The following DRD2 variants were observed in gnomAD, a reference collection of about 807,000 sequenced individuals.
The protein encoded by DRD2 is dopamine receptor D2.
DRD2 carries 8 observed loss-of-function variants against 38.0 expected under a neutral mutation model. The ratio of observed to expected loss-of-function variants is 0.21; its 90% CI spans 0.12 to 0.38. DRD2 has a LOEUF of 0.38. Among genes scored for constraint, DRD2 ranks in the 10% least tolerant of loss-of-function variants. The pLI, the probability that DRD2 is intolerant of heterozygous loss-of-function variation, is 1.00. For missense variants in DRD2, 403 were observed against 607.7 expected, an observed-to-expected ratio of 0.66 and a Z score of 3.54; for synonymous variants, 230 against 238.6, an observed-to-expected ratio of 0.96 and a Z score of 0.33.
chr11:113,450,445 CA>C (rs1326256992), intron 1 of DRD2, among the ~76,000 whole-genome samples: 2 of 152,228 alleles, frequency 1.3e-5, no homozygotes, highest in African/African-American at 2.4e-5. Flanking sequence ...TAGTTAGTAG[CA>C]AAGGCAGGAT....
chr11:113,458,609 T>C (rs1241343260), intron 1 of DRD2, among the ~76,000 whole-genome samples: 2 of 152,252 alleles, frequency 1.3e-5, no homozygotes. Flanking sequence ...CCACAACTTA[T>C]GCTGTGTGTA....
intron 1 of DRD2, among the ~76,000 whole-genome samples, chr11:113,425,427 C>T (rs1181457671): frequency 1.3e-5 from 2 of 152,150 alleles, no homozygotes; most frequent in Non-Finnish European, 2.9e-5. Context: ...TTCTGGATAG[C>T]TGATGCAGAG....
intron 1 of DRD2, among the ~76,000 whole-genome samples, chr11:113,444,694 T>C (rs1951127331): frequency 6.6e-6 from 1 of 152,136 alleles, no homozygotes; most frequent in Non-Finnish European, 1.5e-5. Flanking sequence ...TCACCACACA[T>C]TTGCTGAGCC....
At chr11:113,432,931 C>G (rs967235675) in intron 1 of DRD2, among the ~76,000 whole-genome samples, 2 of 152,194 alleles carry the variant, frequency 1.3e-5, no homozygotes, top group African/African-American at 2.4e-5. Context: ...GTTCTCTGGC[C>G]GAGGAGGCAA....
intron 1 of DRD2, among the ~76,000 whole-genome samples, chr11:113,450,489 G>C (rs55697087): frequency 0.52 from 79,455 of 152,020 alleles, 24,434 homozygotes; most frequent in Non-Finnish European, 0.7. Flanking sequence ...TGCCTCAAAG[G>C]CTCCTCTCCC....
chr11:113,431,255 GCCAGGCCTCACT>G (rs1950984193), intron 1 of DRD2, among the ~76,000 whole-genome samples: 1 of 152,208 alleles, frequency 6.6e-6, no homozygotes, highest in African/African-American at 2.4e-5. Context: ...TCCTGTAGCT[GCCAGGCCTCACT>G]CCAGGGGTGG....
rs377230925 is a variant in DRD2 at position 113,424,351 on chromosome 11, CA to C, written c.285+15del. The C allele has an allele frequency of 2.5e-3, 4,021 of 1,613,436 alleles. 15 individuals carry two copies. The highest frequency in any genetic ancestry group is 2.5e-3 in the Non-Finnish European group (2,921 of 1,179,742). On this transcript the variant is annotated intron_variant, in intron 2 of 7. Transcript: ENST00000362072. ...CTGCTGGAGAAAGTGCTGGAGCAAG[CA>C]GGGGGCCCACCTACCTCCAGGTAGA...
At chr11:113,414,177 C>T (rs1950798456) in intron 6 of DRD2, 198 bp downstream of exon 6, 1 of 682,680 alleles carries the variant, frequency 1.5e-6, no homozygotes, top group Admixed American at 2.1e-5. Context: ...CGTACACATC[C>T]ATGCCTTGCA....
At chr11:113,413,338 C>CAG in intron 6 of DRD2, 2 of 528,276 alleles carry the variant, frequency 3.8e-6, no homozygotes, top group Non-Finnish European at 7.5e-6. Flanking sequence ...TGGGTACCTG[C>CAG]ACCTGCGTAC....
chr11:113,466,482 A>C (rs75824731), intron 1 of DRD2, among the ~76,000 whole-genome samples: 1 of 152,052 alleles, frequency 6.6e-6, no homozygotes, highest in Non-Finnish European at 1.5e-5. Context: ...CCAACCATTC[A>C]ATATTCCCCA....
At chr11:113,463,407 C>A (rs1284913342) in intron 1 of DRD2, among the ~76,000 whole-genome samples, 3 of 152,190 alleles carry the variant, frequency 2.0e-5, no homozygotes, top group Non-Finnish European at 4.4e-5. Context: ...AGATCTGGGA[C>A]TGGTCTGCTT....
intron 1 of DRD2, among the ~76,000 whole-genome samples, chr11:113,452,221 T>C (rs7109897): frequency 0.036 from 5,543 of 152,102 alleles, 328 homozygotes; most frequent in African/African-American, 0.13. Context: ...CATGACAACC[T>C]CTCCAGGAGT....
chr11:113,464,704 G>A (rs1951352058), intron 1 of DRD2, among the ~76,000 whole-genome samples: 1 of 152,222 alleles, frequency 6.6e-6, no homozygotes. Context: ...AATTGCCTCT[G>A]CAGCCCAGTT....
Position 113,445,815 on chromosome 11 carries a change from C to T in DRD2, c.-31-21133G>A, listed in dbSNP as rs377737888. 2.8e-4 allele frequency among the ~76,000 whole-genome samples: 43 copies of T among 152,284 alleles called. 2 individuals carry two copies. The South Asian group carries it at 3.3e-3, about 12-fold the overall frequency. ...CATCACGTCTCCATTTCCCAGGAGA[C>T]GGAAGCCCAGAGAACTTCAAAAATT... On this transcript the variant is annotated intron_variant, in intron 1 of 7. Coordinates refer to ENST00000362072, the MANE Select transcript of DRD2 (RefSeq NM_000795.4).
chr11:113,411,975 T>A (rs775978792), intron 7 of DRD2: 1 of 154,346 alleles, frequency 6.5e-6, no homozygotes, highest in African/African-American at 2.4e-5. Context: ...CAGGGATGCT[T>A]TTCATTTAGA....
intron 1 of DRD2, among the ~76,000 whole-genome samples, chr11:113,455,610 A>T (rs985495772): frequency 1.3e-5 from 2 of 152,206 alleles, no homozygotes; most frequent in Non-Finnish European, 1.5e-5. Context: ...AACCCTGTTT[A>T]AGAATGTGCA....
intron 1 of DRD2, among the ~76,000 whole-genome samples, chr11:113,426,113 G>A (rs939369546): frequency 2.0e-5 from 3 of 152,086 alleles, no homozygotes; most frequent in South Asian, 2.1e-4. Flanking sequence ...AAACGAGGAT[G>A]GAGAGACCTG....
At chr11:113,452,433 TGC>T (rs1951218392) in intron 1 of DRD2, among the ~76,000 whole-genome samples, 2 of 115,674 alleles carry the variant, frequency 1.7e-5, no homozygotes, top group Non-Finnish European at 3.6e-5. Flanking sequence ...CTGGTGTGCA[TGC>T]GTGTGTGTGT....
chr11:113,473,984 A>G (rs565715713), intron 1 of DRD2, among the ~76,000 whole-genome samples: 1 of 152,324 alleles, frequency 6.6e-6, no homozygotes, highest in African/African-American at 2.4e-5. Flanking sequence ...AAATACAGAA[A>G]GGCTTGGATC....
Sources: gnomAD v4.1 joint callset for allele counts (sites outside exome capture counted in the v4.1 genomes callset) on GRCh38, gnomAD v4.1.1 for gene constraint, MANE v1.5 for transcripts, NCBI Gene and HGNC (gene_info 2026-07-23, HGNC 2026-07-21) for gene names.